KLF12: variants seen among roughly 807,000 people sequenced by gnomAD.
KLF12 encodes the protein KLF transcription factor 12, also known as Krueppel-like factor 12.
In KLF12, 9 loss-of-function variants were observed where a neutral mutation model predicts 37.8. That is an observed-to-expected ratio of 0.24 (90% CI 0.14 to 0.42). KLF12 has a LOEUF of 0.42. Among genes scored for constraint, KLF12 ranks in the 10% least tolerant of loss-of-function variants. KLF12 has a pLI of 1.00. For synonymous variants in KLF12, 208 were observed against 202.1 expected (o/e 1.03, Z -0.25); for missense variants, 411 against 516.0 (o/e 0.80, Z 1.97).
At chr13:73,790,988 G>C (rs775493370) in intron 5 of KLF12, among the ~76,000 whole-genome samples, 1 of 152,108 alleles carries the variant, frequency 6.6e-6, no homozygotes, top group Non-Finnish European at 1.5e-5. Flanking sequence ...GTCTGATCTT[G>C]ACATTTTTGA....
At chr13:74,275,830 C>A in the KLF12 span, among the ~76,000 whole-genome samples, 1 of 108,188 alleles carries the variant, frequency 9.2e-6, no homozygotes, top group African/African-American at 3.7e-5. Flanking sequence ...TTCTTTCTTT[C>A]TTTCTTTCTT....
At chr13:73,792,158 C>T (rs1881721764) in intron 5 of KLF12, among the ~76,000 whole-genome samples, 2 of 152,166 alleles carry the variant, frequency 1.3e-5, no homozygotes, top group African/African-American at 4.8e-5. Flanking sequence ...CTCCTCTCAT[C>T]CAACCCAACA....
intron 1 of KLF12, among the ~76,000 whole-genome samples, chr13:73,997,524 T>C (rs1275480704): frequency 1.3e-5 from 2 of 152,210 alleles, no homozygotes; most frequent in African/African-American, 4.8e-5. Flanking sequence ...ATCTCTAATT[T>C]TATTCATGCT....
At chr13:73,941,363 C>A (rs1419539506) in intron 3 of KLF12, among the ~76,000 whole-genome samples, 1 of 152,114 alleles carries the variant, frequency 6.6e-6, no homozygotes, top group African/African-American at 2.4e-5. Context: ...TTGAGTCCAA[C>A]CCGGGCAACA....
chr13:73,982,705 G>C (rs1891718123), intron 2 of KLF12, among the ~76,000 whole-genome samples: 1 of 152,134 alleles, frequency 6.6e-6, no homozygotes, highest in African/African-American at 2.4e-5. Flanking sequence ...TACATTCAGA[G>C]CATTTTTACC....
the KLF12 span, among the ~76,000 whole-genome samples, chr13:74,241,659 G>A: frequency 5.9e-5 from 9 of 152,074 alleles, no homozygotes; most frequent in Non-Finnish European, 1.3e-4. Flanking sequence ...GTGGTGCGCC[G>A]TTTTTTAAGC....
rs1444077315 is a variant in KLF12 at position 73,695,457 on chromosome 13, A to G, written c.*33T>C. The G allele has an allele frequency of 1.2e-6, 2 of 1,607,342 alleles. No homozygotes were observed. Among genetic ancestry groups the G allele is most frequent in the East Asian group, 4.5e-5 (2 of 44,752 alleles). On this transcript the variant is annotated 3_prime_UTR_variant, in exon 8 of 8. Coordinates refer to ENST00000377669, the MANE Select transcript of KLF12 (RefSeq NM_007249.5). ...TGAATTGGGTGCCGCTAAGAGATCC[A>G]GCTCTTACGCTCAGCTGGACAGGTA...
At chr13:73,910,806 T>C (rs1459508457) in intron 3 of KLF12, among the ~76,000 whole-genome samples, 1 of 152,220 alleles carries the variant, frequency 6.6e-6, no homozygotes, top group African/African-American at 2.4e-5. Context: ...TGAAGTGGAA[T>C]GGGTTAATCC....
At chr13:74,293,353 A>G in the KLF12 span, among the ~76,000 whole-genome samples, 285 of 152,238 alleles carry the variant, frequency 1.9e-3, 1 homozygote, top group African/African-American at 6.4e-3. Flanking sequence ...ACCTGTTCAT[A>G]TTGGCTGTGA....
chr13:73,888,435 G>T (rs1211988107), intron 3 of KLF12, among the ~76,000 whole-genome samples: 1 of 152,204 alleles, frequency 6.6e-6, no homozygotes, highest in African/African-American at 2.4e-5. Flanking sequence ...TTTTGGTGAA[G>T]AAATTAGATA....
intron 1 of KLF12, among the ~76,000 whole-genome samples, chr13:74,095,401 C>T (rs1875921220): frequency 2.0e-5 from 3 of 150,338 alleles, no homozygotes; most frequent in Non-Finnish European, 3.0e-5. Context: ...TTTTTTTTTC[C>T]TTTTGGAGAC....
the KLF12 span, among the ~76,000 whole-genome samples, chr13:74,163,469 T>G: frequency 6.6e-6 from 1 of 152,114 alleles, no homozygotes; most frequent in Non-Finnish European, 1.5e-5. Flanking sequence ...TTAAGTGAAA[T>G]AAGCCAGGCA....
intron 3 of KLF12, among the ~76,000 whole-genome samples, chr13:73,870,986 A>G (rs1169194780): frequency 6.6e-6 from 1 of 152,208 alleles, no homozygotes; most frequent in Non-Finnish European, 1.5e-5. Context: ...AGTACAAAGT[A>G]TGAGATATGA....
the KLF12 span, among the ~76,000 whole-genome samples, chr13:74,211,832 T>C: frequency 6.6e-6 from 1 of 152,324 alleles, no homozygotes; most frequent in South Asian, 2.1e-4. Context: ...TTAACCCAAT[T>C]ATAAAATTTG....
chr13:74,265,936 A>C, the KLF12 span, among the ~76,000 whole-genome samples: 5 of 152,236 alleles, frequency 3.3e-5, no homozygotes, highest in Non-Finnish European at 7.3e-5. Flanking sequence ...GGTTGTGGTC[A>C]TTTCTATCGC....
At chr13:73,892,198 C>G (rs1887541011) in intron 3 of KLF12, among the ~76,000 whole-genome samples, 1 of 151,990 alleles carries the variant, frequency 6.6e-6, no homozygotes, top group African/African-American at 2.4e-5. Flanking sequence ...GAAATCTCTC[C>G]TGAACTATTG....
At chr13:74,290,849 G>C in the KLF12 span, among the ~76,000 whole-genome samples, 1 of 152,210 alleles carries the variant, frequency 6.6e-6, no homozygotes, top group Non-Finnish European at 1.5e-5. Flanking sequence ...TTGGATGCTA[G>C]CTCCGTTTGC....
intron 2 of KLF12, among the ~76,000 whole-genome samples, chr13:73,969,917 T>C (rs1357311638): frequency 1.3e-5 from 2 of 152,240 alleles, no homozygotes; most frequent in Non-Finnish European, 2.9e-5. Context: ...TTGACCTACC[T>C]ATCTTTTGTT....
chr13:74,292,149 C>T, the KLF12 span, among the ~76,000 whole-genome samples: 14 of 152,138 alleles, frequency 9.2e-5, no homozygotes, highest in Admixed American at 2.0e-4. Context: ...ACTTGAACTT[C>T]CTGGTATTTC....
Sources: allele counts gnomAD v4.1 joint callset (sites outside exome capture counted in the v4.1 genomes callset), GRCh38; gene constraint gnomAD v4.1.1; transcripts MANE v1.5; gene names NCBI Gene and HGNC (gene_info 2026-07-23, HGNC 2026-07-21).